SNTB2: variants seen among roughly 807,000 people sequenced by gnomAD.
SNTB2 encodes syntrophin beta 2.
In SNTB2, 34 loss-of-function variants were observed where a neutral mutation model predicts 46.2. The observed-to-expected ratio is 0.74, with a 90% confidence interval of 0.56 to 0.98. SNTB2 has a LOEUF of 0.98. SNTB2 is among the 50% of genes least tolerant of loss of function. The pLI is 0.00. For synonymous variants in SNTB2, 290 were observed against 312.6 expected (o/e 0.93, Z 0.76); for missense variants, 603 against 731.4 (o/e 0.82, Z 2.02).
chr16:69,227,690 A>G (rs1417439035), intron 1 of SNTB2, among the ~76,000 whole-genome samples: 1 of 152,206 alleles, frequency 6.6e-6, no homozygotes, highest in East Asian at 1.9e-4. Flanking sequence ...AGTGGACAAG[A>G]CAGACAAAAC....
chr16:69,276,777 A>C (rs770577284), intron 4 of SNTB2, among the ~76,000 whole-genome samples: 24 of 152,150 alleles, frequency 1.6e-4, no homozygotes, highest in Non-Finnish European at 3.1e-4. Flanking sequence ...GATGTGTAAA[A>C]TTGCTGGCAC....
intron 1 of SNTB2, among the ~76,000 whole-genome samples, chr16:69,221,244 G>A (rs537240497): frequency 2.6e-5 from 4 of 152,118 alleles, no homozygotes; most frequent in Admixed American, 2.6e-4. Flanking sequence ...GTGTTTACAT[G>A]TCCCACTTCC....
rs112980454 is a variant in SNTB2 at position 69,218,426 on chromosome 16, T to C, written c.581-27176T>C. On this transcript the variant is annotated intron_variant, in intron 1 of 6. Transcript: ENST00000336278. ...TCCATTTTCTTTTCTTCTTCTTCTT[T>C]TTTTTTTTTTCTTGAGATGGAGTAT... 1.1e-4 allele frequency among the ~76,000 whole-genome samples: 17 copies of C among 151,816 alleles called. No homozygotes were observed. The East Asian group carries it at 1.9e-3, about 17-fold the overall frequency.
intron 2 of SNTB2, among the ~76,000 whole-genome samples, chr16:69,255,865 T>G: frequency 7.6e-6 from 1 of 130,990 alleles, no homozygotes. Flanking sequence ...CAACAAGAGG[T>G]AAACTCTGTC....
At chr16:69,213,012 A>G (rs1964305268) in intron 1 of SNTB2, among the ~76,000 whole-genome samples, 1 of 152,178 alleles carries the variant, frequency 6.6e-6, no homozygotes, top group Non-Finnish European at 1.5e-5. Flanking sequence ...TTATTTATTC[A>G]TTAGTAGAGT....
chr16:69,246,866 G>A (rs933616337), intron 2 of SNTB2, among the ~76,000 whole-genome samples: 1 of 138,446 alleles, frequency 7.2e-6, no homozygotes, highest in Non-Finnish European at 1.5e-5. Context: ...CATGGACACA[G>A]GAAGGGGAAT....
intron 1 of SNTB2, among the ~76,000 whole-genome samples, chr16:69,223,351 C>G (rs1386627704): frequency 6.6e-6 from 1 of 151,818 alleles, no homozygotes; most frequent in Non-Finnish European, 1.5e-5. Context: ...CCAGCCACCA[C>G]GCCTGGCTAA....
In SNTB2 at chr16:69,251,465, G is replaced by GT. The variant is rs1206381698; in HGVS notation, c.794+5653dup. ...GAATTGCTGGATAGGTGCATGTTTAGTTTAAAAAAAAAAAAAAAAAAAAAA... is the reference window on the plus strand; with the variant it reads ...GAATTGCTGGATAGGTGCATGTTTAGTTTTAAAAAAAAAAAAAAAAAAAAAA... On this transcript the variant is annotated intron_variant, in intron 2 of 6. Transcript: ENST00000336278. Among the ~76,000 whole-genome samples, 578 of 104,840 alleles carry GT rather than the reference G, an allele frequency of 5.5e-3. 2 individuals are homozygous for GT. The highest frequency in any genetic ancestry group is 0.022 in the African/African-American group (560 of 26,032). The allele number at this position is 104,840 out of a possible 152,430, so 68.8% of individuals were successfully genotyped here. A position where few individuals can be genotyped will look rare whatever the true frequency, so the allele number is the denominator to read the frequency against.
chr16:69,236,343 A>G (rs942547191), intron 1 of SNTB2, among the ~76,000 whole-genome samples: 1 of 152,082 alleles, frequency 6.6e-6, no homozygotes, highest in African/African-American at 2.4e-5. Context: ...GTGTAAAGGC[A>G]TGAGAGAAGG....
chr16:69,191,270 C>T (rs908817321), intron 1 of SNTB2: 6 of 145,376 alleles, frequency 4.1e-5, no homozygotes, highest in African/African-American at 1.5e-4. Context: ...AAAGAAAAAC[C>T]AAGTGTGGTG....
intron 5 of SNTB2, among the ~76,000 whole-genome samples, chr16:69,296,237 G>T (rs774127512): frequency 6.6e-6 from 1 of 151,852 alleles, no homozygotes; most frequent in Non-Finnish European, 1.5e-5. Context: ...CTAAGATCAC[G>T]CCATTACACT....
chr16:69,241,024 C>A (rs1388233175), intron 1 of SNTB2: 2 of 152,036 alleles, frequency 1.3e-5, no homozygotes, highest in Non-Finnish European at 2.9e-5. Context: ...CCACACCTGG[C>A]TAATTTTGTA....
intron 1 of SNTB2, among the ~76,000 whole-genome samples, chr16:69,193,537 C>T (rs969341468): frequency 6.6e-6 from 1 of 151,702 alleles, no homozygotes; most frequent in African/African-American, 2.4e-5. Flanking sequence ...CCATGTTGGC[C>T]AGGCTGGTCT....
rs985990116 is a variant in SNTB2, at chr16:69,308,169, G to A, written c.*7245G>A. ...CTTTAAACCTACCCTTTGACAATCAGGTGCTAATGATTGTATACTATTAAA... is the reference window on the plus strand; with the variant it reads ...CTTTAAACCTACCCTTTGACAATCAAGTGCTAATGATTGTATACTATTAAA... On this transcript the variant is annotated 3_prime_UTR_variant, in exon 7 of 7. Coordinates refer to ENST00000336278, the MANE Select transcript of SNTB2 (RefSeq NM_006750.4). The A allele has an allele frequency of 3.9e-5, 6 of 152,608 alleles. No individual in the cohort carries two copies. Among genetic ancestry groups the A allele is most frequent in the Admixed American group, 1.3e-4 (2 of 15,282 alleles). 9.5% of individuals were successfully genotyped at this position (152,608 alleles called of 1,614,324 possible).
chr16:69,244,088 C>T (rs1964645058), intron 1 of SNTB2, among the ~76,000 whole-genome samples: 1 of 152,022 alleles, frequency 6.6e-6, no homozygotes, highest in Non-Finnish European at 1.5e-5. Context: ...TAGTGTTACT[C>T]CCATTTTGTA....
chr16:69,282,511 A>G (rs1965059736), intron 4 of SNTB2, among the ~76,000 whole-genome samples: 1 of 152,102 alleles, frequency 6.6e-6, no homozygotes, highest in South Asian at 2.1e-4. Flanking sequence ...GTGAAAGTTG[A>G]GTGGTGCCAG....
At chr16:69,266,967 A>G (rs1964892180) in intron 3 of SNTB2, among the ~76,000 whole-genome samples, 2 of 151,942 alleles carry the variant, frequency 1.3e-5, no homozygotes, top group South Asian at 4.2e-4. Context: ...CAAAGTGTCA[A>G]GATTATAAGT....
At chr16:69,261,246 GA>G (rs1964831958) in intron 3 of SNTB2, among the ~76,000 whole-genome samples, 1 of 150,974 alleles carries the variant, frequency 6.6e-6, no homozygotes. Context: ...TTTCATTTTT[GA>G]TTTTTTTTTT....
chr16:69,255,449 A>C (rs777275516), intron 2 of SNTB2, among the ~76,000 whole-genome samples: 8 of 151,764 alleles, frequency 5.3e-5, no homozygotes, highest in Non-Finnish European at 7.4e-5. Flanking sequence ...AGTCACAACT[A>C]CTCGAGAGGC....
Sources: allele counts gnomAD v4.1 joint callset (sites outside exome capture counted in the v4.1 genomes callset), GRCh38; gene constraint gnomAD v4.1.1; transcripts MANE v1.5; gene names NCBI Gene and HGNC (gene_info 2026-07-23, HGNC 2026-07-21).